RARB: variants seen among roughly 807,000 people sequenced by gnomAD.
RARB encodes HBV-activated protein.
RARB carries 17 observed loss-of-function variants against 51.9 expected under a neutral mutation model. The ratio of observed to expected loss-of-function variants is 0.33; its 90% CI spans 0.22 to 0.49. The LOEUF (loss-of-function observed/expected upper bound fraction) is 0.49. Among genes scored for constraint, RARB ranks in the 20% least tolerant of loss-of-function variants. The pLI, the probability that RARB is intolerant of heterozygous loss-of-function variation, is 0.99. For missense variants in RARB, 369 were observed against 550.8 expected (o/e 0.67, Z 3.30); for synonymous variants, 215 against 195.4 (o/e 1.10, Z -0.84).
chr3:24,865,068 T>A (rs1326855255), intron 2 of RARB, among the ~76,000 whole-genome samples: 1 of 152,206 alleles, frequency 6.6e-6, no homozygotes, highest in African/African-American at 2.4e-5. Flanking sequence ...CAGAAATACA[T>A]GTCTCCCTAT....
At chr3:24,895,269 T>C (rs1164701244) in intron 2 of RARB, among the ~76,000 whole-genome samples, 1 of 152,210 alleles carries the variant, frequency 6.6e-6, no homozygotes, top group Non-Finnish European at 1.5e-5. Context: ...ATTTGGTCAA[T>C]ATATTTAGTT....
chr3:25,160,305 T>C (rs539898014), intron 4 of RARB, among the ~76,000 whole-genome samples: 1 of 152,344 alleles, frequency 6.6e-6, no homozygotes, highest in South Asian at 2.1e-4. Context: ...AAGACTTTTC[T>C]AGGAAATGTT....
At chr3:25,101,829 C>T (rs926065108) in intron 3 of RARB, among the ~76,000 whole-genome samples, 5 of 151,844 alleles carry the variant, frequency 3.3e-5, no homozygotes, top group Non-Finnish European at 7.4e-5. Context: ...TCCCTGCTTC[C>T]CCATATCCTC....
intron 2 of RARB, among the ~76,000 whole-genome samples, chr3:25,464,484 T>A (rs1695335416): frequency 6.6e-6 from 1 of 152,190 alleles, no homozygotes; most frequent in Non-Finnish European, 1.5e-5. Context: ...GGCAGCCAGT[T>A]GAATTTGATA....
intron 5 of RARB, among the ~76,000 whole-genome samples, chr3:25,185,657 C>T (rs1006795817): frequency 6.6e-6 from 1 of 151,914 alleles, no homozygotes; most frequent in African/African-American, 2.4e-5. Context: ...TATTAGAATG[C>T]CAAAACAGGA....
intron 3 of RARB, among the ~76,000 whole-genome samples, chr3:25,534,884 C>T (rs1699074522): frequency 6.6e-6 from 1 of 152,158 alleles, no homozygotes; most frequent in South Asian, 2.1e-4. Flanking sequence ...ATCACTCCTC[C>T]AGAGACCCTT....
chr3:25,453,410 G>A (rs1439018324), intron 1 of RARB, among the ~76,000 whole-genome samples: 1 of 151,978 alleles, frequency 6.6e-6, no homozygotes, highest in East Asian at 1.9e-4. Context: ...ATCACGCCTA[G>A]CTAATTTTGT....
intron 5 of RARB, among the ~76,000 whole-genome samples, chr3:25,257,380 A>G (rs528855803): frequency 1.3e-5 from 2 of 152,180 alleles, no homozygotes; most frequent in African/African-American, 4.8e-5. Flanking sequence ...TGAACAGGGC[A>G]TTTAGCCTAG....
intron 2 of RARB, among the ~76,000 whole-genome samples, chr3:24,991,447 A>G (rs1192773211): frequency 6.6e-6 from 1 of 151,424 alleles, no homozygotes; most frequent in East Asian, 1.9e-4. Context: ...CTGTCTCAAA[A>G]AAAAAAGAAA....
chr3:25,406,619 A>G (rs181264482), intron 5 of RARB, among the ~76,000 whole-genome samples: 5 of 152,318 alleles, frequency 3.3e-5, no homozygotes, highest in African/African-American at 7.2e-5. Flanking sequence ...TTTTAATTCA[A>G]TCACTTCTTT....
rs10713675 is a variant in RARB at position 25,293,597 on chromosome 3, T to TAAAAAAAAAAAAA, written c.178+119031_178+119043dup. ...TTCCCGAGGCTAGAGTTACTCCATT[T>TAAAAAAAAAAAAA]AAAAAAAAAAAAAAAAAAAAAGTTC... On this transcript the variant is annotated intron_variant, in intron 5 of 11. Transcript: ENST00000383772. Among the ~76,000 whole-genome samples, 46 of 68,636 alleles carry TAAAAAAAAAAAAA rather than the reference T, an allele frequency of 6.7e-4. 10 individuals are homozygous for TAAAAAAAAAAAAA. The highest frequency in any genetic ancestry group is 3.3e-3 in the East Asian group (4 of 1,206). The allele number at this position is 68,636 out of a possible 152,430, so 45.0% of individuals were successfully genotyped here.
exon 5 of RARB, chr3:25,174,290 C>A: frequency 1.0e-6 from 1 of 977,906 alleles, no homozygotes; most frequent in South Asian, 1.4e-5. Flanking sequence ...GCCCAGAACA[C>A]AGCTCAGCCT....
At chr3:25,184,051 T>A (rs1448032489) in intron 5 of RARB, among the ~76,000 whole-genome samples, 1 of 152,152 alleles carries the variant, frequency 6.6e-6, no homozygotes, top group Non-Finnish European at 1.5e-5. Flanking sequence ...CTTCCCTGGT[T>A]AACTTGGCCC....
rs147975111 is a variant in RARB at position 25,300,967 on chromosome 3, A to G, written c.178+126392A>G. Among the ~76,000 whole-genome samples the G allele has an allele frequency of 4.6e-3, 701 of 152,314 alleles. 11 individuals are homozygous for G. The highest frequency in any genetic ancestry group is 0.017 in the East Asian group (86 of 5,186). ...AGCCAAGATCACACCACTGCACTCC[A>G]GCCTGAGCTACAAAGCGAGACTCTG... On this transcript the variant is annotated intron_variant, in intron 5 of 11. Coordinates refer to the RARB transcript ENST00000383772.
At chr3:25,238,784 G>T (rs1702363246) in intron 5 of RARB, among the ~76,000 whole-genome samples, 1 of 152,098 alleles carries the variant, frequency 6.6e-6, no homozygotes, top group African/African-American at 2.4e-5. Context: ...ATCAAGACCA[G>T]CCTGGCCAAC....
intron 2 of RARB, among the ~76,000 whole-genome samples, chr3:24,900,451 G>T (rs774466730): frequency 2.0e-5 from 3 of 152,160 alleles, no homozygotes; most frequent in Admixed American, 1.3e-4. Flanking sequence ...TTGCATTCAT[G>T]AGTCTTCCTT....
intron 2 of RARB, among the ~76,000 whole-genome samples, chr3:25,477,713 A>G (rs1696024606): frequency 6.6e-6 from 1 of 152,192 alleles, no homozygotes; most frequent in South Asian, 2.1e-4. Context: ...ATATGGTTAA[A>G]ATGACCCTTA....
At chr3:25,359,842 G>A (rs1705873067) in intron 5 of RARB, among the ~76,000 whole-genome samples, 1 of 152,112 alleles carries the variant, frequency 6.6e-6, no homozygotes, top group Admixed American at 6.5e-5. Context: ...CTGAGAGACT[G>A]TTTGTTATGA....
At chr3:25,101,848 T>C (rs1394136924) in intron 3 of RARB, among the ~76,000 whole-genome samples, 5 of 152,056 alleles carry the variant, frequency 3.3e-5, no homozygotes, top group Admixed American at 2.6e-4. Flanking sequence ...TCTTCCACCC[T>C]GGGTACTTTA....
Sources: allele counts gnomAD v4.1 joint callset (sites outside exome capture counted in the v4.1 genomes callset), GRCh38; gene constraint gnomAD v4.1.1; transcripts MANE v1.5; gene names NCBI Gene and HGNC (gene_info 2026-07-23, HGNC 2026-07-21).